The following GYG2 variants were observed in gnomAD, a reference collection of about 807,000 sequenced individuals.
GYG2 encodes glycogenin-2.
In GYG2, 29 loss-of-function variants were observed where a neutral mutation model predicts 29.4. The ratio of observed to expected loss-of-function variants is 0.99; its 90% CI spans 0.74 to 1.35. GYG2 has a LOEUF of 1.35. GYG2 is among the 40% of genes most tolerant of loss of function. The pLI is 0.00. For missense variants in GYG2, 370 were observed against 385.7 expected (o/e 0.96, Z 0.34); for synonymous variants, 167 against 172.3 (o/e 0.97, Z 0.24).
At position 2,856,791 on chromosome X, in the gene GYG2, CT is replaced by C. The variant is rs777053488; in HGVS notation, c.614+168del. On this transcript the variant is annotated intron_variant, in intron 6 of 10. Transcript: ENST00000398806. ...ATCTATCTATCTATCTATCTATCAT[CT>C]ATCTATCATCTATCTATCTATCACC... is the stretch of plus-strand genomic sequence containing the variant. Among the ~76,000 whole-genome samples the C allele has an allele frequency of 0.059, 3,737 of 63,464 alleles. 109 individuals are homozygous for C. The highest frequency in any genetic ancestry group is 0.11 in the African/African-American group (2,418 of 22,167). The allele number at this position is 63,464 out of a possible 115,157, so 55.1% of individuals were successfully genotyped here. A position where few individuals can be genotyped will look rare whatever the true frequency, so the allele number is the denominator to read the frequency against.
chrX:2,863,080 C>CT lies in GYG2; in HGVS notation c.1038+1370dup, dbSNP rs201819993. ...GTCTCAAAGAAAAAAAAAAAGAAAT[C>CT]TTTTTTTTTTTTGAGGCGGAGTCTC... On this transcript the variant is annotated intron_variant, in intron 8 of 10. Coordinates refer to ENST00000398806, the MANE Select transcript of GYG2 (RefSeq NM_001079855.2). 6.2e-4 allele frequency among the ~76,000 whole-genome samples: 58 copies of CT among 94,291 alleles called. 1 individual carries two copies. Among genetic ancestry groups the CT allele is most frequent in the Admixed American group, 5.8e-4 (5 of 8,675 alleles). The allele number at this position is 94,291 out of a possible 115,157, so 81.9% of individuals were successfully genotyped here.
At chrX:2,868,988 A>G (rs939984693) in intron 8 of GYG2, among the ~76,000 whole-genome samples, 1 of 98,599 alleles carries the variant, frequency 1.0e-5, no homozygotes, top group Non-Finnish European at 2.0e-5. Context: ...GTGACTTTGG[A>G]TAAATCAATA....
chrX:2,868,777 C>T (rs928689475), intron 8 of GYG2, among the ~76,000 whole-genome samples: 26 of 110,877 alleles, frequency 2.3e-4, no homozygotes, highest in Middle Eastern at 4.7e-3. Flanking sequence ...CCATGGCACA[C>T]GTATACCCGT....
intron 6 of GYG2, among the ~76,000 whole-genome samples, chrX:2,859,019 G>GA (rs1205268439): frequency 9.0e-6 from 1 of 111,438 alleles, no homozygotes; most frequent in African/African-American, 3.3e-5. Context: ...CCCGTTTTGG[G>GA]AAAAAATGTC....
In GYG2 at chrX:2,853,930, G is replaced by C. The variant is rs201312023; in HGVS notation, c.150-50G>C. 5 of 935,858 alleles carry C rather than the reference G, an allele frequency of 5.3e-6. No homozygotes were observed. The East Asian group carries it at 1.5e-4, about 29-fold the overall frequency. The allele number at this position is 935,858 out of a possible 1,213,427, so 77.1% of individuals were successfully genotyped here. A position where few individuals can be genotyped will look rare whatever the true frequency, so the allele number is the denominator to read the frequency against. On this transcript the variant is annotated intron_variant, in intron 3 of 10. Transcript: ENST00000398806. ...CCCTCTTGAAGGAGGAGGTGGTTCT[G>C]TGCTGAATATTCACCCGCTGTCCCA...
chrX:2,873,110 G>A (rs941424318), intron 8 of GYG2, among the ~76,000 whole-genome samples: 1 of 111,621 alleles, frequency 9.0e-6, no homozygotes, highest in Non-Finnish European at 1.9e-5. Context: ...GGCTCAACCT[G>A]TCTGCCTCAT....
chrX:2,844,190 A>G (rs2087570448), intron 3 of GYG2, among the ~76,000 whole-genome samples: 1 of 112,300 alleles, frequency 8.9e-6, no homozygotes, highest in African/African-American at 3.2e-5. Context: ...ATATTCTTTG[A>G]CAATGAAATA....
intron 8 of GYG2, among the ~76,000 whole-genome samples, chrX:2,874,552 G>C (rs934675416): frequency 1.1e-4 from 12 of 112,007 alleles, no homozygotes; most frequent in African/African-American, 3.9e-4. Flanking sequence ...CTCATGGCTT[G>C]CCATTTTGTA....
chrX:2,850,554 G>A (rs1248876331), intron 3 of GYG2, among the ~76,000 whole-genome samples: 6 of 111,305 alleles, frequency 5.4e-5, no homozygotes, highest in Admixed American at 9.6e-5. Flanking sequence ...AAGCTAAGCC[G>A]TCATATCCCC....
Position 2,854,035 on chromosome X carries a change from G to A in GYG2, c.205G>A (p.Ala69Thr). Residue 69 changes from alanine (A) to threonine (T), a missense_variant, in exon 4 of 11, where the codon GCC (alanine) becomes ACC (threonine). Ala to Thr is a moderately conservative substitution (Grantham distance 58). Coordinates refer to ENST00000398806, the MANE Select transcript of GYG2 (RefSeq NM_001079855.2). Reference sequence around the variant, plus strand: ...CATTGAAGTGAATCTAATCGATAGTGCCGACTACATCCACCTGGCCTTTCT... The same window carrying A: ...CATTGAAGTGAATCTAATCGATAGTACCGACTACATCCACCTGGCCTTTCT... ...EVIEVNLIDS[A>T]DYIHLAFLKR... The A allele has an allele frequency of 8.4e-7, 1 of 1,195,820 alleles. No individual in the cohort carries two copies. Among genetic ancestry groups the A allele is most frequent in the South Asian group, 1.8e-5 (1 of 56,564 alleles).
At chrX:2,841,758 G>A (rs1245204158) in intron 2 of GYG2, among the ~76,000 whole-genome samples, 1 of 111,800 alleles carries the variant, frequency 8.9e-6, no homozygotes, top group Admixed American at 9.5e-5. Context: ...CGGGAAAGGC[G>A]CTGTGGTCGC....
At chrX:2,868,088 T>G (rs2088343390) in intron 8 of GYG2, among the ~76,000 whole-genome samples, 1 of 109,775 alleles carries the variant, frequency 9.1e-6, no homozygotes, top group Admixed American at 9.7e-5. Flanking sequence ...AGAGCAAAAC[T>G]CAGTCCCAAA....
In GYG2 at chrX:2,843,199, G is replaced by T. The variant is rs771543915; in HGVS notation, c.8-14G>T. On this transcript the variant is annotated splice_polypyrimidine_tract_variant and intron_variant, in intron 2 of 10. Transcript: ENST00000398806. ...TCAGGAGTGTAACTCTGGTGTTTCT[G>T]TTGATTTTCACAGTGACTGATCAGG... 3 of 1,196,950 alleles carry T rather than the reference G, an allele frequency of 2.5e-6. No homozygotes were observed. The East Asian group carries it at 8.9e-5, about 36-fold the overall frequency.
At chrX:2,842,710 G>C (rs1229840328) in intron 2 of GYG2, among the ~76,000 whole-genome samples, 1 of 105,466 alleles carries the variant, frequency 9.5e-6, no homozygotes, top group Non-Finnish European at 2.0e-5. Context: ...GGTTGACTTT[G>C]TCCCTTGTTT....
intron 8 of GYG2, among the ~76,000 whole-genome samples, chrX:2,863,761 G>A (rs1457259510): frequency 9.0e-6 from 1 of 111,648 alleles, no homozygotes; most frequent in African/African-American, 3.3e-5. Context: ...TGTGCCCTGA[G>A]CATACCATAG....
chrX:2,843,169 G>T (rs1256598923), intron 2 of GYG2, 44 bp from the exon 3 acceptor site: 1 of 1,122,390 alleles, frequency 8.9e-7, no homozygotes, highest in Non-Finnish European at 1.2e-6. Context: ...CACCCCTGCT[G>T]TCCCTCAGGA....
intron 10 of GYG2, 140 bp from the exon 11 acceptor site, chrX:2,880,912 A>G (rs2088705787): frequency 1.9e-6 from 1 of 521,526 alleles, no homozygotes; most frequent in South Asian, 3.0e-5. Flanking sequence ...CATTAAAAAC[A>G]AAGTGCTAGT....
At chrX:2,867,697 A>G (rs1051182922) in intron 8 of GYG2, among the ~76,000 whole-genome samples, 3 of 111,895 alleles carry the variant, frequency 2.7e-5, no homozygotes, top group Admixed American at 9.5e-5. Context: ...GAATGGGAGG[A>G]AGGGATGGAG....
At chrX:2,832,683 C>T (rs755715134) in intron 2 of GYG2, among the ~76,000 whole-genome samples, 3 of 111,649 alleles carry the variant, frequency 2.7e-5, no homozygotes, top group African/African-American at 6.5e-5. Flanking sequence ...TACAGGTGCC[C>T]GCCCCCATGC....
Sources: gnomAD v4.1 joint callset for allele counts (sites outside exome capture counted in the v4.1 genomes callset) on GRCh38, gnomAD v4.1.1 for gene constraint, MANE v1.5 for transcripts, NCBI Gene and HGNC (gene_info 2026-07-23, HGNC 2026-07-21) for gene names.